Variants in LRRC58 observed in about 807,000 individuals in gnomAD.
LRRC58 encodes leucine rich repeat containing 58, also known as leucine-rich repeat-containing protein 58.
A neutral mutation model predicts 30.6 loss-of-function variants in LRRC58; 18 were observed. The ratio of observed to expected loss-of-function variants is 0.59; its 90% CI spans 0.41 to 0.87. The LOEUF (loss-of-function observed/expected upper bound fraction) is 0.87, where lower values mean the gene tolerates loss of function less well. Among genes scored for constraint, LRRC58 ranks in the 40% least tolerant of loss-of-function variants. The probability of loss-of-function intolerance (pLI) is 0.00; values close to 1 mark genes in which losing one functional copy is unlikely to be tolerated. For synonymous variants in LRRC58, 221 were observed against 206.0 expected (o/e 1.07, Z -0.62); for missense variants, 420 against 468.4 (o/e 0.90, Z 0.95).
chr3:120,343,608 A>G (rs1013641714), intron 1 of LRRC58, among the ~76,000 whole-genome samples: 3 of 152,230 alleles, frequency 2.0e-5, no homozygotes, highest in African/African-American at 7.2e-5. Flanking sequence ...ATCCTTAGGG[A>G]TACTGCAGTG....
At chr3:120,333,040 C>T (rs1167306274) in intron 3 of LRRC58, among the ~76,000 whole-genome samples, 2 of 143,830 alleles carry the variant, frequency 1.4e-5, no homozygotes, top group Non-Finnish European at 3.0e-5. Context: ...TGCAGTGAGC[C>T]GAGATTGTGC....
At chr3:120,343,651 C>T (rs1935931222) in intron 1 of LRRC58, among the ~76,000 whole-genome samples, 1 of 152,118 alleles carries the variant, frequency 6.6e-6, no homozygotes, top group South Asian at 2.1e-4. Context: ...ACAAATGACC[C>T]ACTGAAAAAA....
Position 120,347,379 on chromosome 3 carries a change from C to CTTTTTTTTTTTTTTTTTTTTTT in LRRC58, c.500+1343_500+1364dup, listed in dbSNP as rs796116731. On this transcript the variant is annotated intron_variant, in intron 1 of 3. Transcript: ENST00000295628. ...AGTTCTTTTTTCCCAGGCCAATATT[C>CTTTTTTTTTTTTTTTTTTTTTT]TTTTTTTTTTTTTTTTTTTTTTTGA... Among the ~76,000 whole-genome samples the CTTTTTTTTTTTTTTTTTTTTTT allele has an allele frequency of 3.1e-3, 168 of 54,836 alleles. 30 individuals carry two copies. The highest frequency in any genetic ancestry group is 4.4e-3 in the Non-Finnish European group (126 of 28,756). The allele number at this position is 54,836 out of a possible 152,430, so 36.0% of individuals were successfully genotyped here.
chr3:120,335,484 A>G (rs1935821405), intron 2 of LRRC58, among the ~76,000 whole-genome samples: 1 of 152,232 alleles, frequency 6.6e-6, no homozygotes, highest in African/African-American at 2.4e-5. Flanking sequence ...TGCAACAGAA[A>G]TTAAGATCCT....
At position 120,348,922 on chromosome 3, in the gene LRRC58, C is replaced by T. The variant is rs1936014263; in HGVS notation, c.322G>A (p.Ala108Thr). 1 of 1,549,824 alleles carries T rather than the reference C, an allele frequency of 6.5e-7. No individual in the cohort carries two copies. The highest frequency in any genetic ancestry group is 8.7e-7 in the Non-Finnish European group (1 of 1,149,072). The change falls in exon 1 of 4, where the codon GCG (alanine) becomes ACG (threonine). Residue 108 changes from alanine (A) to threonine (T), a missense_variant. Ala to Thr is a moderately conservative substitution (Grantham distance 58). Coordinates refer to ENST00000295628, the MANE Select transcript of LRRC58 (RefSeq NM_001099678.2). The part of the protein sequence containing the change: ...AKNNRLGGPS[A>T]LPKGLAQSPL... ...GACTGGGCCAGGCCCTTGGGCAGCGCACTGGGCCCGCCGAGCCGGTTGTTC... is the reference window on the plus strand; with the variant it reads ...GACTGGGCCAGGCCCTTGGGCAGCGTACTGGGCCCGCCGAGCCGGTTGTTC...
At chr3:120,343,441 T>C (rs1935929286) in intron 1 of LRRC58, among the ~76,000 whole-genome samples, 2 of 152,220 alleles carry the variant, frequency 1.3e-5, no homozygotes, top group African/African-American at 4.8e-5. Flanking sequence ...TGCAACTCTG[T>C]TAATTAGGGT....
rs1303228190 is a variant in LRRC58 at position 120,324,523 on chromosome 3, T to C, written c.*6677A>G. The C allele has an allele frequency of 1.3e-5, 2 of 152,220 alleles. No individual in the cohort carries two copies. The highest frequency in any genetic ancestry group is 2.4e-5 in the African/African-American group (1 of 41,456). 9.4% of individuals were successfully genotyped at this position (152,220 alleles called of 1,614,324 possible). On this transcript the variant is annotated 3_prime_UTR_variant, in exon 4 of 4. Coordinates refer to ENST00000295628, the MANE Select transcript of LRRC58 (RefSeq NM_001099678.2). Reference sequence around the variant, plus strand: ...CTAGAACAGAGTCAATGTTAGTACATATTTAATGTATGTATTCAATGATGT... The same window carrying C: ...CTAGAACAGAGTCAATGTTAGTACACATTTAATGTATGTATTCAATGATGT...
At chr3:120,343,196 C>T (rs996463755) in intron 1 of LRRC58, among the ~76,000 whole-genome samples, 1 of 152,214 alleles carries the variant, frequency 6.6e-6, no homozygotes, top group Admixed American at 6.5e-5. Context: ...ATGAATAACA[C>T]TAATCAAATT....
At chr3:120,348,690 G>T in intron 1 of LRRC58, 54 bp downstream of exon 1, 1 of 1,486,118 alleles carries the variant, frequency 6.7e-7, no homozygotes, top group South Asian at 1.4e-5. Flanking sequence ...CGGCGCCCCA[G>T]GGTTCCCGGA....
At chr3:120,331,715 G>A (rs1935760221) in intron 3 of LRRC58, among the ~76,000 whole-genome samples, 1 of 152,102 alleles carries the variant, frequency 6.6e-6, no homozygotes, top group Non-Finnish European at 1.5e-5. Flanking sequence ...TAGGACACCT[G>A]AGGTGCCCTT....
Position 120,335,149 on chromosome 3 carries a change from A to G in LRRC58, c.630-10T>C. The G allele has an allele frequency of 6.2e-7, 1 of 1,605,144 alleles. No individual in the cohort carries two copies. Among genetic ancestry groups the G allele is most frequent in the Non-Finnish European group, 8.5e-7 (1 of 1,174,128 alleles). On this transcript the variant is annotated splice_polypyrimidine_tract_variant and intron_variant, in intron 2 of 3. Coordinates refer to ENST00000295628, the MANE Select transcript of LRRC58 (RefSeq NM_001099678.2). ...ACGAAGTGAATGTAACCTAGAATAA[A>G]TGTAGTAGAAAAATCAATGGCAGTA...
rs147691096 is a variant in LRRC58, at chr3:120,340,559, G to T, written c.501-4606C>A. Among the ~76,000 whole-genome samples, 731 of 152,222 alleles carry T rather than the reference G, an allele frequency of 4.8e-3. 4 individuals carry two copies. The highest frequency in any genetic ancestry group is 0.017 in the African/African-American group (708 of 41,540). ...GTGTGGTTATTCAAAATGCCAACTT[G>T]AATCTAACATTTTGTCTTTTTAAAA... is the stretch of plus-strand genomic sequence containing the variant. On this transcript the variant is annotated intron_variant, in intron 1 of 3. Transcript: ENST00000295628.
At position 120,335,051 on chromosome 3, in the gene LRRC58, A is replaced by G; in HGVS notation, c.718T>C (p.Leu240=). 6.2e-7 allele frequency: 1 copy of G among 1,613,982 alleles called. No homozygotes were observed. The highest frequency in any genetic ancestry group is 8.5e-7 in the Non-Finnish European group (1 of 1,179,882). The change falls in exon 3 of 4, where the codon TTG becomes CTG. Residue 240 remains leucine (L), a synonymous_variant. Coordinates refer to ENST00000295628, the MANE Select transcript of LRRC58 (RefSeq NM_001099678.2). The part of the protein sequence containing the change: ...EILNLIHLEE[L]SLRGNPLVVR... The stretch of plus-strand genomic sequence containing the variant: ...ACCAATGGATTTCCTCGTAAACTCA[A>G]CTCTTCCAAATGAATAAGGTTGAGG...
chr3:120,344,990 A>G (rs941309154), intron 1 of LRRC58, among the ~76,000 whole-genome samples: 1 of 152,216 alleles, frequency 6.6e-6, no homozygotes, highest in African/African-American at 2.4e-5. Context: ...AACTACATCC[A>G]CAACCGCATG....
In LRRC58 at chr3:120,349,321, C is replaced by T. The variant is rs369382749; in HGVS notation, c.-78G>A. On this transcript the variant is annotated 5_prime_UTR_variant, in exon 1 of 4. Coordinates refer to ENST00000295628, the MANE Select transcript of LRRC58 (RefSeq NM_001099678.2). Reference sequence around the variant, plus strand: ...TCCAGAGGCCGGGAGCTCTGCGGCGCCCCGGAACCTGAACCGAGGGCTGAG... The same window carrying T: ...TCCAGAGGCCGGGAGCTCTGCGGCGTCCCGGAACCTGAACCGAGGGCTGAG... 7.7e-7 allele frequency: 1 copy of T among 1,303,288 alleles called. No homozygotes were observed. The highest frequency in any genetic ancestry group is 9.8e-7 in the Non-Finnish European group (1 of 1,022,226). 80.7% of individuals were successfully genotyped at this position (1,303,288 alleles called of 1,614,324 possible).
intron 1 of LRRC58, 148 bp downstream of exon 1, chr3:120,348,596 A>G: frequency 1.1e-6 from 1 of 888,406 alleles, no homozygotes; most frequent in Non-Finnish European, 1.6e-6. Flanking sequence ...CAACTTGCTG[A>G]GATGGTTGGG....
At chr3:120,332,675 C>T (rs971711779) in intron 3 of LRRC58, among the ~76,000 whole-genome samples, 6 of 152,032 alleles carry the variant, frequency 3.9e-5, no homozygotes, top group African/African-American at 1.4e-4. Flanking sequence ...GTTTAAGTTA[C>T]AGTTTAATAA....
intron 1 of LRRC58, among the ~76,000 whole-genome samples, chr3:120,338,730 G>C (rs1935867041): frequency 1.3e-5 from 2 of 152,244 alleles, no homozygotes; most frequent in Admixed American, 1.3e-4. Flanking sequence ...TCATCAAAGA[G>C]ATCAGAGAGG....
At position 120,348,804 on chromosome 3, in the gene LRRC58, G is replaced by A. The variant is rs1357967673; in HGVS notation, c.440C>T (p.Thr147Ile). The change falls in exon 1 of 4, where the codon ACC (threonine) becomes ATC (isoleucine). Residue 147 changes from threonine (T) to isoleucine (I), a missense_variant. Around this residue, in one of 2 missense-constraint regions of LRRC58, gnomAD observed 266 missense variants for 251.7 expected, o/e 1.06. Coordinates refer to ENST00000295628, the MANE Select transcript of LRRC58 (RefSeq NM_001099678.2). ...CAGTTGGTTGCCGCCCAGGCTCAGG[G>A]TCTGCAGCGCGCGCAGCTCTAAGAG... ...ASLLELRALQ[T>I]LSLGGNQLQS... is the part of the protein sequence containing the mutation. The A allele has an allele frequency of 2.5e-6, 4 of 1,607,904 alleles. No homozygotes were observed. Among genetic ancestry groups the A allele is most frequent in the Admixed American group, 1.7e-5 (1 of 59,358 alleles).
Sources: allele counts gnomAD v4.1 joint callset (sites outside exome capture counted in the v4.1 genomes callset), GRCh38; gene constraint gnomAD v4.1.1; regional missense constraint gnomAD v4.1.1; transcripts MANE v1.5; gene names NCBI Gene and HGNC (gene_info 2026-07-23, HGNC 2026-07-21).